Variants in MAP2K6 observed in about 807,000 individuals in gnomAD.
The protein encoded by MAP2K6 is dual specificity mitogen-activated protein kinase kinase 6.
A neutral mutation model predicts 53.7 loss-of-function variants in MAP2K6; 16 were observed. That is an observed-to-expected ratio of 0.30 (90% CI 0.20 to 0.45). The LOEUF is 0.45. Ranked by LOEUF, MAP2K6 falls within the 20% of genes least tolerant of loss-of-function variation. The pLI is 1.00. For missense variants in MAP2K6, 204 were observed against 411.9 expected, an observed-to-expected ratio of 0.50 and a Z score of 4.37; for synonymous variants, 132 against 143.1, an observed-to-expected ratio of 0.92 and a Z score of 0.55.
intron 1 of MAP2K6, among the ~76,000 whole-genome samples, chr17:69,490,531 C>A (rs1188904774): frequency 6.6e-6 from 1 of 152,032 alleles, no homozygotes; most frequent in Non-Finnish European, 1.5e-5. Flanking sequence ...GCAAGAAATA[C>A]ATTTGTTAGA....
chr17:69,487,135 C>T (rs537856361), intron 1 of MAP2K6, among the ~76,000 whole-genome samples: 59 of 152,266 alleles, frequency 3.9e-4, no homozygotes, highest in African/African-American at 1.4e-3. Context: ...TAATCCTGGA[C>T]TTTTTCCTTT....
At chr17:69,418,910 C>G (rs1567811510) in intron 1 of MAP2K6, among the ~76,000 whole-genome samples, 1 of 151,620 alleles carries the variant, frequency 6.6e-6, no homozygotes, top group African/African-American at 2.4e-5. Context: ...TCAAAAAATT[C>G]AAACCAAAGA....
intron 2 of MAP2K6, among the ~76,000 whole-genome samples, chr17:69,515,057 C>T (rs1260547915): frequency 1.3e-5 from 2 of 151,724 alleles, no homozygotes; most frequent in Admixed American, 1.3e-4. Context: ...CCTGTCTGCT[C>T]ACCCTCTTTC....
chr17:69,491,730 G>GTTATTATTATTATTATTA (rs55714549), intron 1 of MAP2K6, among the ~76,000 whole-genome samples: 2,283 of 143,400 alleles, frequency 0.016, 76 homozygotes, highest in African/African-American at 0.051. Context: ...GCTGGCATCT[G>GTTATTATTATTATTATTA]TTATTATTAT....
At chr17:69,533,735 G>T (rs200171888) in intron 10 of MAP2K6, among the ~76,000 whole-genome samples, 12,533 of 140,104 alleles carry the variant, frequency 0.089, 644 homozygotes, top group Non-Finnish European at 0.11. Context: ...TAGCCTGTTT[G>T]TTTTTTTTTT....
chr17:69,491,730 G>GTTATTATTATTATTATTATTATTATTA (rs55714549), intron 1 of MAP2K6, among the ~76,000 whole-genome samples: 10 of 143,260 alleles, frequency 7.0e-5, no homozygotes, highest in African/African-American at 2.4e-4. Context: ...GCTGGCATCT[G>GTTATTATTATTATTATTATTATTATTA]TTATTATTAT....
intron 1 of MAP2K6, among the ~76,000 whole-genome samples, chr17:69,475,010 C>T (rs537585577): frequency 5.3e-5 from 8 of 152,256 alleles, no homozygotes; most frequent in Non-Finnish European, 8.8e-5. Context: ...TTGAGACAAA[C>T]ATTTGTATTT....
chr17:69,551,355 G>A lies in MAP2K6; in HGVS notation c.*9602G>A, dbSNP rs1186019889. On this transcript the variant is annotated 3_prime_UTR_variant, in exon 12 of 12. Transcript: ENST00000590474. ...TGGAAACCTGGTACAGCCTTTAGAA[G>A]TTGGAAGCTATGGTGGTGTATCTGT... 2 of 152,242 alleles carry A rather than the reference G, an allele frequency of 1.3e-5. No homozygotes were observed. Among genetic ancestry groups the A allele is most frequent in the African/African-American group, 4.8e-5 (2 of 41,450 alleles). 9.4% of individuals were successfully genotyped at this position (152,242 alleles called of 1,614,324 possible).
At position 69,542,826 on chromosome 17, in the gene MAP2K6, C is replaced by G. The variant is rs1169544078; in HGVS notation, c.*1073C>G. On this transcript the variant is annotated 3_prime_UTR_variant, in exon 12 of 12. Transcript: ENST00000590474. Reference sequence around the variant, plus strand: ...CTCTTTGGCTTTGTTTGTTTGTTTTCTTCTTCAGTGAAGCAGCCTTACTAT... The same window carrying G: ...CTCTTTGGCTTTGTTTGTTTGTTTTGTTCTTCAGTGAAGCAGCCTTACTAT... The G allele has an allele frequency of 2.0e-5, 3 of 152,102 alleles. No individual in the cohort carries two copies. The highest frequency in any genetic ancestry group is 4.4e-5 in the Non-Finnish European group (3 of 68,028). 9.4% of individuals were successfully genotyped at this position (152,102 alleles called of 1,614,324 possible).
chr17:69,479,719 CTT>C (rs557461445), intron 1 of MAP2K6, among the ~76,000 whole-genome samples: 3,625 of 137,108 alleles, frequency 0.026, 141 homozygotes, highest in African/African-American at 0.09. Context: ...TCCTTTTGTT[CTT>C]TTTTTTTTTT....
chr17:69,431,946 G>A (rs1906474695), intron 1 of MAP2K6, among the ~76,000 whole-genome samples: 2 of 152,206 alleles, frequency 1.3e-5, no homozygotes, highest in Admixed American at 1.3e-4. Flanking sequence ...AGGAGTGGCT[G>A]CCGGATTGGC....
At chr17:69,521,419 A>G (rs1218542887) in intron 7 of MAP2K6, 2 of 248,492 alleles carry the variant, frequency 8.0e-6, no homozygotes, top group Non-Finnish European at 1.5e-5. Context: ...TGGCCATCAC[A>G]TGAGAGCTTG....
At chr17:69,474,669 A>T (rs905081678) in intron 1 of MAP2K6, among the ~76,000 whole-genome samples, 2 of 152,178 alleles carry the variant, frequency 1.3e-5, no homozygotes, top group African/African-American at 4.8e-5. Flanking sequence ...TCTTTCTATG[A>T]CCACAGCTGT....
chr17:69,529,481 T>C (rs959665829), intron 10 of MAP2K6, among the ~76,000 whole-genome samples: 7 of 151,538 alleles, frequency 4.6e-5, no homozygotes, highest in Non-Finnish European at 1.0e-4. Context: ...AAAATGAACA[T>C]CTTGAGAAAT....
intron 1 of MAP2K6, among the ~76,000 whole-genome samples, chr17:69,441,920 G>C (rs1906832864): frequency 6.6e-6 from 1 of 152,128 alleles, no homozygotes; most frequent in Non-Finnish European, 1.5e-5. Flanking sequence ...TCCACTGACA[G>C]TTCTCTGGCT....
chr17:69,519,569 A>C (rs1910358637), intron 5 of MAP2K6, 137 bp downstream of exon 5: 2 of 984,100 alleles, frequency 2.0e-6, no homozygotes, highest in South Asian at 3.3e-5. Context: ...ACGTGTGTGC[A>C]ATGATGACAT....
At chr17:69,457,662 G>A (rs1322446999) in intron 1 of MAP2K6, among the ~76,000 whole-genome samples, 3 of 152,134 alleles carry the variant, frequency 2.0e-5, no homozygotes, top group African/African-American at 7.2e-5. Context: ...AAAATTAGCT[G>A]GGCACGGTGG....
intron 4 of MAP2K6, 143 bp downstream of exon 4, chr17:69,517,756 T>G: frequency 2.1e-6 from 1 of 466,456 alleles, no homozygotes; most frequent in Non-Finnish European, 3.6e-6. Context: ...AACAGTATTT[T>G]CCTCCAAAGG....
rs924597255 is a variant in MAP2K6 at position 69,485,338 on chromosome 17, A to G, written c.17-20442A>G. 3 of 238,926 alleles carry G rather than the reference A, an allele frequency of 1.3e-5. No homozygotes were observed. The Admixed American group carries it at 2.0e-4, about 16-fold the overall frequency. 14.8% of individuals were successfully genotyped at this position (238,926 alleles called of 1,614,324 possible). ...CAGGTTTTAGGATGAGCAACTTTGG[A>G]ACGGAGGAGGCCTTTAGAAGAAAGA... On this transcript the variant is annotated intron_variant, in intron 1 of 11. Transcript: ENST00000590474.
Sources: allele counts gnomAD v4.1 joint callset (sites outside exome capture counted in the v4.1 genomes callset), GRCh38; gene constraint gnomAD v4.1.1; transcripts MANE v1.5; gene names NCBI Gene and HGNC (gene_info 2026-07-23, HGNC 2026-07-21).